The following PTER variants were observed in gnomAD, a reference collection of about 807,000 sequenced individuals.
PTER encodes the protein phosphotriesterase related.
A neutral mutation model predicts 29.6 loss-of-function variants in PTER; 38 were observed. The ratio of observed to expected loss-of-function variants is 1.28; its 90% CI spans 0.99 to 1.68. The LOEUF is 1.68. Ranked by LOEUF, PTER falls within the 40% of genes most tolerant of loss-of-function variation. The pLI, the probability that PTER is intolerant of heterozygous loss-of-function variation, is 0.00. For missense variants in PTER, 482 were observed against 427.8 expected (o/e 1.13, Z -1.12); for synonymous variants, 172 against 154.5 (o/e 1.11, Z -0.84).
At chr10:16,446,220 AT>A (rs375758553) in intron 1 of PTER, among the ~76,000 whole-genome samples, 5,049 of 143,996 alleles carry the variant, frequency 0.035, 117 homozygotes, top group African/African-American at 0.065. Flanking sequence ...CACCCCCAAC[AT>A]TTTTTTTTTT....
chr10:16,489,610 G>C (rs1835825957), intron 3 of PTER, among the ~76,000 whole-genome samples: 1 of 151,318 alleles, frequency 6.6e-6, no homozygotes, highest in Non-Finnish European at 1.5e-5. Context: ...CTACTTACGT[G>C]GGACACTTTA....
intron 4 of PTER, 103 bp downstream of exon 4, chr10:16,505,263 C>T (rs1836518742): frequency 1.2e-5 from 17 of 1,396,410 alleles, no homozygotes; most frequent in African/African-American, 5.8e-5. Context: ...GTAAGCAGGC[C>T]GAACCACAGA....
At chr10:16,489,330 G>A (rs1480564195) in intron 3 of PTER, among the ~76,000 whole-genome samples, 6 of 151,956 alleles carry the variant, frequency 3.9e-5, no homozygotes, top group Non-Finnish European at 7.4e-5. Flanking sequence ...ACATGGTTTC[G>A]ATTCAACCTT....
At chr10:16,452,677 ATTCTCCTTCTCC>A (rs149744029) in intron 1 of PTER, among the ~76,000 whole-genome samples, 5 of 150,088 alleles carry the variant, frequency 3.3e-5, no homozygotes, top group Non-Finnish European at 7.4e-5. Context: ...GCTGATGATG[ATTCTCCTTCTCC>A]TTCTCCTTCT....
chr10:16,463,059 G>A (rs1000431387), intron 1 of PTER, among the ~76,000 whole-genome samples: 1 of 151,806 alleles, frequency 6.6e-6, no homozygotes, highest in African/African-American at 2.4e-5. Flanking sequence ...CGGGCTTGAC[G>A]GCAGGCACCT....
At chr10:16,514,333 T>G (rs1456882825), downstream of PTER, 2 of 589,532 alleles carry the variant, frequency 3.4e-6, no homozygotes, top group Non-Finnish European at 3.0e-6. Flanking sequence ...ATCACACATC[T>G]GCTTATCTTG....
intron 1 of PTER, among the ~76,000 whole-genome samples, chr10:16,479,783 A>G (rs1250057636): frequency 2.0e-5 from 3 of 151,812 alleles, no homozygotes; most frequent in Non-Finnish European, 4.4e-5. Flanking sequence ...TTTTTTCTGG[A>G]TAATAGCGAC....
rs559394847 is a variant in PTER, at chr10:16,509,125, C to A, written c.840-1921C>A. On this transcript the variant is annotated intron_variant, in intron 4 of 4. Coordinates refer to ENST00000535784, the MANE Select transcript of PTER (RefSeq NM_001261836.2). Reference sequence around the variant, plus strand: ...TTCTATAATTACCGTGATTTTTTGTCTTCTCGTCTGTAGTGGCTCCCCCTT... The same window carrying A: ...TTCTATAATTACCGTGATTTTTTGTATTCTCGTCTGTAGTGGCTCCCCCTT... 3.3e-5 allele frequency among the ~76,000 whole-genome samples: 5 copies of A among 152,164 alleles called. No individual in the cohort carries two copies. The East Asian group carries it at 7.7e-4, about 24-fold the overall frequency.
chr10:16,518,664 A>G (rs150872441), downstream of PTER, among the ~76,000 whole-genome samples: 686 of 152,320 alleles, frequency 4.5e-3, 2 homozygotes, highest in African/African-American at 0.015. Context: ...TGCAATTGCA[A>G]TTTCCAGATA....
At chr10:16,465,920 A>T (rs975116678) in intron 1 of PTER, among the ~76,000 whole-genome samples, 1 of 152,144 alleles carries the variant, frequency 6.6e-6, no homozygotes, top group Non-Finnish European at 1.5e-5. Context: ...ATCTCATGAG[A>T]ACCCACTAAC....
chr10:16,452,374 G>A (rs766875618), intron 1 of PTER, among the ~76,000 whole-genome samples: 28 of 149,800 alleles, frequency 1.9e-4, no homozygotes, highest in Non-Finnish European at 2.8e-4. Context: ...TCGGCTCATT[G>A]CAACCTGCAT....
At chr10:16,463,659 G>T (rs557337615) in intron 1 of PTER, among the ~76,000 whole-genome samples, 134 of 151,832 alleles carry the variant, frequency 8.8e-4, no homozygotes, top group Non-Finnish European at 1.0e-3. Flanking sequence ...CAGGTGATCC[G>T]CTCATCTCGG....
chr10:16,517,363 A>G (rs910325120), downstream of PTER, among the ~76,000 whole-genome samples: 2 of 152,230 alleles, frequency 1.3e-5, no homozygotes, highest in Non-Finnish European at 2.9e-5. Context: ...AAAATATTTC[A>G]TGGGCATCGG....
Position 16,486,621 on chromosome 10 carries a change from A to G in PTER, c.698+4A>G, listed in dbSNP as rs1835711688. On this transcript the variant is annotated splice_donor_region_variant and intron_variant, in intron 3 of 4. Transcript: ENST00000535784. Reference sequence around the variant, plus strand: ...CAGTCATGTCACACCTGGATAGGTAAGTAGGCTGTCTTACAAATGGATGCA... The same window carrying G: ...CAGTCATGTCACACCTGGATAGGTAGGTAGGCTGTCTTACAAATGGATGCA... The G allele has an allele frequency of 3.7e-6, 6 of 1,602,814 alleles. No individual in the cohort carries two copies. In the East Asian group the frequency reaches 1.1e-4, roughly 30 times the overall value.
At chr10:16,457,791 G>A (rs537820213) in intron 1 of PTER, among the ~76,000 whole-genome samples, 10 of 151,372 alleles carry the variant, frequency 6.6e-5, no homozygotes, top group African/African-American at 2.4e-4. Context: ...TGTATTTTTA[G>A]TAGAGACGGG....
chr10:16,444,496 C>A (rs1833952520), intron 1 of PTER, among the ~76,000 whole-genome samples: 3 of 151,976 alleles, frequency 2.0e-5, no homozygotes. Context: ...TTTGTCTTCA[C>A]TGGGGCACTA....
chr10:16,493,170 A>G (rs11254025), intron 3 of PTER, among the ~76,000 whole-genome samples: 90,079 of 151,984 alleles, frequency 0.59, 28,624 homozygotes, highest in East Asian at 0.84. Flanking sequence ...TCTGTGAAAA[A>G]CCACAAAAAA....
intron 3 of PTER, chr10:16,486,860 T>C (rs1588617924): frequency 4.5e-6 from 2 of 447,926 alleles, no homozygotes; most frequent in South Asian, 7.4e-5. Flanking sequence ...TTCGCATAAG[T>C]CATTTCCTTT....
rs143246284 is a variant in PTER, at chr10:16,469,561, A to G, written c.-48-14776A>G. On this transcript the variant is annotated intron_variant, in intron 1 of 4. Coordinates refer to ENST00000535784, the MANE Select transcript of PTER (RefSeq NM_001261836.2). Reference sequence around the variant, plus strand: ...GTGGTGGAATTTACGGGATTTAGAAACTGAGTGGGTGTGGGTGAGGCAGGA... The same window carrying G: ...GTGGTGGAATTTACGGGATTTAGAAGCTGAGTGGGTGTGGGTGAGGCAGGA... 4.9e-3 allele frequency among the ~76,000 whole-genome samples: 748 copies of G among 152,186 alleles called. 8 individuals carry two copies. Among genetic ancestry groups the G allele is most frequent in the African/African-American group, 0.017 (690 of 41,512 alleles).
Sources: gnomAD v4.1 joint callset for allele counts (sites outside exome capture counted in the v4.1 genomes callset) on GRCh38, gnomAD v4.1.1 for gene constraint, MANE v1.5 for transcripts, NCBI Gene and HGNC (gene_info 2026-07-23, HGNC 2026-07-21) for gene names.